SYNPR: variants seen among roughly 807,000 people sequenced by gnomAD.
SYNPR encodes the protein synaptoporin.
In SYNPR, 23 loss-of-function variants were observed where a neutral mutation model predicts 32.9. The ratio of observed to expected loss-of-function variants is 0.70; its 90% CI spans 0.50 to 0.99. The LOEUF (loss-of-function observed/expected upper bound fraction) is 0.99, where lower values mean the gene tolerates loss of function less well. SYNPR is among the 50% of genes least tolerant of loss of function. The pLI is 0.00. For missense variants in SYNPR, 318 were observed against 349.3 expected (o/e 0.91, Z 0.71); for synonymous variants, 146 against 135.9 (o/e 1.07, Z -0.52).
At chr3:63,451,470 T>C (rs2107175936) in intron 2 of SYNPR, among the ~76,000 whole-genome samples, 1 of 152,240 alleles carries the variant, frequency 6.6e-6, no homozygotes, top group African/African-American at 2.4e-5. Flanking sequence ...CCAAATGCAA[T>C]ATGTATAAAG....
chr3:63,320,480 C>A (rs1181877730), intron 2 of SYNPR, among the ~76,000 whole-genome samples: 1 of 151,950 alleles, frequency 6.6e-6, no homozygotes, highest in East Asian at 1.9e-4. Context: ...TGTAAAGCCA[C>A]ACCTTGTAAA....
intron 2 of SYNPR, among the ~76,000 whole-genome samples, chr3:63,433,181 G>A (rs867694728): frequency 2.6e-5 from 4 of 152,210 alleles, no homozygotes; most frequent in African/African-American, 9.6e-5. Flanking sequence ...GTCAGAACAA[G>A]TGGCGCTACA....
chr3:63,400,950 G>T (rs893119059), intron 2 of SYNPR, among the ~76,000 whole-genome samples: 1 of 152,108 alleles, frequency 6.6e-6, no homozygotes, highest in Non-Finnish European at 1.5e-5. Context: ...ATCCTCTGAG[G>T]GTGTCCAGAA....
intron 4 of SYNPR, among the ~76,000 whole-genome samples, chr3:63,565,239 C>T (rs1392161622): frequency 6.6e-6 from 1 of 152,096 alleles, no homozygotes; most frequent in African/African-American, 2.4e-5. Flanking sequence ...CAATTTTGCC[C>T]CTGACTCAAC....
chr3:63,375,760 CCTA>C (rs1358323744), intron 2 of SYNPR, among the ~76,000 whole-genome samples: 2 of 151,872 alleles, frequency 1.3e-5, no homozygotes, highest in Non-Finnish European at 2.9e-5. Flanking sequence ...TTTATTTACT[CCTA>C]CTTTTAAAAA....
In SYNPR at chr3:63,416,748, C is replaced by T. The variant is rs539918632; in HGVS notation, c.85-64084C>T. ...AGCAAGTGACATCTTACGTGGATGG[C>T]AGCAGGCAAAGAGCTTGTGCAGGAA... On this transcript the variant is annotated intron_variant, in intron 2 of 5. Coordinates refer to ENST00000478300, the MANE Select transcript of SYNPR (RefSeq NM_001130003.2). 7.0e-4 allele frequency among the ~76,000 whole-genome samples: 106 copies of T among 152,164 alleles called. 1 individual carries two copies. The highest frequency in any genetic ancestry group is 1.5e-3 in the South Asian group (7 of 4,816).
At chr3:63,456,363 A>T (rs914264332) in intron 2 of SYNPR, among the ~76,000 whole-genome samples, 1 of 152,112 alleles carries the variant, frequency 6.6e-6, no homozygotes, top group African/African-American at 2.4e-5. Context: ...CTGTTGCATC[A>T]GTACCTTTAA....
chr3:63,428,401 A>C (rs533672615), intron 2 of SYNPR, among the ~76,000 whole-genome samples: 74 of 152,352 alleles, frequency 4.9e-4, no homozygotes, highest in Non-Finnish European at 1.0e-3. Context: ...TATTAAAATA[A>C]ATTATTGTAT....
chr3:63,453,788 C>T (rs1362089096), intron 2 of SYNPR, among the ~76,000 whole-genome samples: 1 of 152,062 alleles, frequency 6.6e-6, no homozygotes. Context: ...AAATTCTCAC[C>T]ATTCAGGAAA....
chr3:63,396,078 C>G (rs1245249078), intron 2 of SYNPR, among the ~76,000 whole-genome samples: 1 of 152,166 alleles, frequency 6.6e-6, no homozygotes, highest in Non-Finnish European at 1.5e-5. Context: ...GAACTCTTGA[C>G]CAGACAGAAA....
rs76822682 is a variant in SYNPR, at chr3:63,525,211, C to T, written c.210-31332C>T. On this transcript the variant is annotated intron_variant, in intron 3 of 5. Coordinates refer to ENST00000478300, the MANE Select transcript of SYNPR (RefSeq NM_001130003.2). ...TCAAAATACTAGTTTTCATGTGATCCTAAAAACTTGAAACCCCTGATTTTT... is the reference window on the plus strand; with the variant it reads ...TCAAAATACTAGTTTTCATGTGATCTTAAAAACTTGAAACCCCTGATTTTT... Among the ~76,000 whole-genome samples the T allele has an allele frequency of 7.6e-3, 1,156 of 152,196 alleles. 50 individuals carry two copies. The East Asian group carries it at 0.13, about 18-fold the overall frequency.
intron 2 of SYNPR, among the ~76,000 whole-genome samples, chr3:63,285,880 C>A (rs988042662): frequency 6.6e-6 from 1 of 152,072 alleles, no homozygotes; most frequent in African/African-American, 2.4e-5. Flanking sequence ...AGTAAGGTAC[C>A]TTGCTTAGTA....
At chr3:63,208,121 T>C in the SYNPR span, among the ~76,000 whole-genome samples, 1 of 152,178 alleles carries the variant, frequency 6.6e-6, no homozygotes, top group African/African-American at 2.4e-5. Context: ...ACTTCCAGAA[T>C]ATACTTCTGA....
chr3:63,205,783 G>C, the SYNPR span, among the ~76,000 whole-genome samples: 1 of 152,174 alleles, frequency 6.6e-6, no homozygotes, highest in African/African-American at 2.4e-5. Context: ...CCTGCTGATA[G>C]GAGTATGCAA....
chr3:63,297,154 T>C (rs2086797633), intron 2 of SYNPR, among the ~76,000 whole-genome samples: 1 of 152,238 alleles, frequency 6.6e-6, no homozygotes, highest in Admixed American at 6.5e-5. Flanking sequence ...CTAGCTATTA[T>C]GCGCTAGAAA....
chr3:63,596,887 A>G (rs1699968888), intron 4 of SYNPR, among the ~76,000 whole-genome samples: 1 of 152,176 alleles, frequency 6.6e-6, no homozygotes, highest in Non-Finnish European at 1.5e-5. Context: ...GGATAGCACT[A>G]GTAACATGTG....
intron 1 of SYNPR, among the ~76,000 whole-genome samples, chr3:63,238,475 C>T (rs937869164): frequency 2.0e-5 from 3 of 152,020 alleles, no homozygotes; most frequent in African/African-American, 7.2e-5. Flanking sequence ...CGTCCCCCTT[C>T]CCTCTCCCAT....
intron 3 of SYNPR, among the ~76,000 whole-genome samples, chr3:63,493,166 C>A (rs1035153870): frequency 7.2e-5 from 11 of 152,028 alleles, no homozygotes; most frequent in African/African-American, 2.4e-4. Flanking sequence ...TGGTGGAGAC[C>A]TGTGTTCCCT....
chr3:63,387,672 C>A (rs1335101046), intron 2 of SYNPR, among the ~76,000 whole-genome samples: 1 of 152,116 alleles, frequency 6.6e-6, no homozygotes. Context: ...CAAGTTGAAC[C>A]ACTTAACCAC....
Sources: gnomAD v4.1 joint callset for allele counts (sites outside exome capture counted in the v4.1 genomes callset) on GRCh38, gnomAD v4.1.1 for gene constraint, MANE v1.5 for transcripts, NCBI Gene and HGNC (gene_info 2026-07-23, HGNC 2026-07-21) for gene names.